The following QRICH2 variants were observed in gnomAD, a reference collection of about 807,000 sequenced individuals.
QRICH2 encodes the protein glutamine-rich protein 2.
A neutral mutation model predicts 168.3 loss-of-function variants in QRICH2; 119 were observed. The ratio of observed to expected loss-of-function variants is 0.71; its 90% CI spans 0.61 to 0.82. The LOEUF is 0.82. QRICH2 is among the 40% of genes least tolerant of loss of function. The pLI is 0.00. For missense variants in QRICH2, 2,241 were observed against 2,491.6 expected, an observed-to-expected ratio of 0.90 and a Z score of 2.14; for synonymous variants, 894 against 951.2, an observed-to-expected ratio of 0.94 and a Z score of 1.11.
chr17:76,307,467 T>C lies in QRICH2; in HGVS notation c.532A>G (p.Arg178Gly), dbSNP rs1357996360. 1 of 1,613,758 alleles carries C rather than the reference T, an allele frequency of 6.2e-7. No homozygotes were observed. The highest frequency in any genetic ancestry group is 8.5e-7 in the Non-Finnish European group (1 of 1,179,846). ...KDAAEELSFA[R>G]VLLQRVDELE... ...CGTGCCTCCGTGTGCGTGCTCACCC[T>C]GGCAAAGCTGAGCTCCTCGGCGGCG... Residue 178 changes from arginine (R) to glycine (G), a missense_variant and splice_region_variant, in exon 1 of 19, where the codon AGG becomes GGG. Around this residue, in one of 3 missense-constraint regions of QRICH2, gnomAD observed 2,047 missense variants for 2,303.8 expected, o/e 0.89. Transcript: ENST00000680821. This position sits in a 1 kb window ranked among gnomAD's most constrained non-coding sequence, Gnocchi z 5.3.
chr17:76,300,801 CAGCACTTTGGG>C (rs2070884237), intron 3 of QRICH2, among the ~76,000 whole-genome samples: 1 of 152,098 alleles, frequency 6.6e-6, no homozygotes, highest in Non-Finnish European at 1.5e-5. Context: ...CCTGTAATCC[CAGCACTTTGGG>C]AGGCCAAGGC....
rs2071025684 is a variant in QRICH2, at chr17:76,292,486, A to AACTGCACCAGGTGGGACCAAACCACGC, written c.2240_2241insGCGTGGTTTGGTCCCACCTGGTGCAGT (p.His747delinsGlnArgGlyLeuValProProGlyAlaVal). ...CACCAGGTGGGACCAAACCACGCTG[A>AACTGCACCAGGTGGGACCAAACCACGC]TGATCTGCACGAGGTTGTGCCAAAC... On this transcript the variant is annotated protein_altering_variant, in exon 4 of 19. Transcript: ENST00000680821. 1.3e-6 allele frequency: 1 copy of AACTGCACCAGGTGGGACCAAACCACGC among 760,992 alleles called. No individual in the cohort carries two copies. 47.1% of individuals were successfully genotyped at this position (760,992 alleles called of 1,614,324 possible). A position where few individuals can be genotyped will look rare whatever the true frequency, so the allele number is the denominator to read the frequency against.
intron 7 of QRICH2, among the ~76,000 whole-genome samples, chr17:76,286,875 C>CAA (rs574718247): frequency 2.5e-4 from 16 of 65,218 alleles, no homozygotes; most frequent in Non-Finnish European, 3.2e-4. Context: ...AATTCCATCT[C>CAA]AAAAAAAAAA....
At position 76,276,781 on chromosome 17, in the gene QRICH2, C is replaced by T. The variant is rs1203764376; in HGVS notation, c.5266-14G>A. The T allele has an allele frequency of 2.5e-6, 4 of 1,600,118 alleles. No individual in the cohort carries two copies. Among genetic ancestry groups the T allele is most frequent in the Non-Finnish European group, 3.4e-6 (4 of 1,171,582 alleles). The stretch of plus-strand genomic sequence containing the variant: ...CACCTCATCATGCTGTAGAAGTGAA[C>T]AGATACCGTCGCCACTGTAGCAGCC... On this transcript the variant is annotated splice_polypyrimidine_tract_variant and intron_variant, in intron 16 of 18. Coordinates refer to ENST00000680821, the MANE Select transcript of QRICH2 (RefSeq NM_001388453.1).
chr17:76,299,913 C>T (rs911400510), intron 3 of QRICH2, among the ~76,000 whole-genome samples: 24 of 151,632 alleles, frequency 1.6e-4, no homozygotes, highest in Non-Finnish European at 3.2e-4. Context: ...CTGCAACCTC[C>T]GCCTTCCGGT....
Position 76,291,719 on chromosome 17 carries a change from G to C in QRICH2, c.3008C>G (p.Ser1003Ter), listed in dbSNP as rs769072886. The change falls in exon 4 of 19, where the codon TCA becomes TGA. Residue 1003 changes from serine to a stop codon, truncating the protein, a stop_gained. Transcript: ENST00000680821. LOFTEE classifies it high-confidence loss of function. ...CATACCATGTTGATATGGACGTACT[G>C]ATATAAAACCTGTAGAATCTGCCTG... ...TFQADSTGFI[S>*]VRPYQHGMVP... 2 of 1,614,168 alleles carry C rather than the reference G, an allele frequency of 1.2e-6. No individual in the cohort carries two copies. Among genetic ancestry groups the C allele is most frequent in the Non-Finnish European group, 1.7e-6 (2 of 1,180,026 alleles).
intron 3 of QRICH2, among the ~76,000 whole-genome samples, chr17:76,300,775 G>A (rs1247755701): frequency 1.3e-5 from 2 of 151,826 alleles, no homozygotes; most frequent in African/African-American, 4.8e-5. Context: ...AATATGACCA[G>A]GCATGGTGGC....
At chr17:76,305,467 G>C (rs1374610228) in intron 1 of QRICH2, among the ~76,000 whole-genome samples, 1 of 152,176 alleles carries the variant, frequency 6.6e-6, no homozygotes, top group Non-Finnish European at 1.5e-5. Flanking sequence ...CTTTCTACCT[G>C]GTTTTTACCT....
In QRICH2 at chr17:76,308,137, G is replaced by C; in HGVS notation, c.-139C>G. On this transcript the variant is annotated 5_prime_UTR_variant, in exon 1 of 19. Coordinates refer to ENST00000680821, the MANE Select transcript of QRICH2 (RefSeq NM_001388453.1). ...TGCCCCGGGTCCGGCCGAGTCACTG[G>C]ACAGAGCTCCTGCCTCCAGGGAATC... 2.5e-6 allele frequency: 3 copies of C among 1,219,102 alleles called. No homozygotes were observed. The highest frequency in any genetic ancestry group is 3.1e-6 in the Non-Finnish European group (3 of 980,702). The allele number at this position is 1,219,102 out of a possible 1,614,324, so 75.5% of individuals were successfully genotyped here. A position where few individuals can be genotyped will look rare whatever the true frequency, so the allele number is the denominator to read the frequency against.
intron 5 of QRICH2, among the ~76,000 whole-genome samples, chr17:76,288,740 C>A (rs1257670531): frequency 1.3e-5 from 2 of 152,036 alleles, no homozygotes; most frequent in East Asian, 3.9e-4. Flanking sequence ...CTGAAGGGAT[C>A]TGGCCGTCCC....
chr17:76,280,602 G>C lies in QRICH2; in HGVS notation c.4461+52C>G. ...CCTCCACTCAGTCTCTCAAAGAACA[G>C]TCAGCGAGACCGCCCTGGGACACAG... On this transcript the variant is annotated intron_variant, in intron 10 of 18. Transcript: ENST00000680821. This position sits in a 1 kb window ranked among gnomAD's most constrained non-coding sequence, Gnocchi z 7.4. 2 of 1,608,118 alleles carry C rather than the reference G, an allele frequency of 1.2e-6. No individual in the cohort carries two copies. Among genetic ancestry groups the C allele is most frequent in the Non-Finnish European group, 1.7e-6 (2 of 1,174,736 alleles).
chr17:76,308,351 GGAA>G (rs2071023446), upstream of QRICH2: 3 of 985,448 alleles, frequency 3.0e-6, no homozygotes, highest in Non-Finnish European at 3.6e-6. Flanking sequence ...GGGGGCGGGG[GGAA>G]GTAAAGGCCA....
chr17:76,277,283 G>A lies in QRICH2; in HGVS notation c.5145C>T (p.Tyr1715=). ...CCCCGCAGCGCCGGGGCACAGTTGA[G>A]TAGGTGTAATCAGCCATATCTGTCA... The part of the protein sequence containing the change: ...KRVTDMADYT[Y]STVPRRCGGS... Residue 1715 remains tyrosine (Y), a synonymous_variant, in exon 16 of 19, where the codon TAC becomes TAT. Coordinates refer to ENST00000680821, the MANE Select transcript of QRICH2 (RefSeq NM_001388453.1). 2 of 1,608,386 alleles carry A rather than the reference G, an allele frequency of 1.2e-6. No individual in the cohort carries two copies. Among genetic ancestry groups the A allele is most frequent in the South Asian group, 1.1e-5 (1 of 90,302 alleles).
At chr17:76,274,342 A>C in intron 18 of QRICH2, 82 bp from the exon 19 acceptor site, 1 of 1,426,190 alleles carries the variant, frequency 7.0e-7, no homozygotes, top group South Asian at 1.3e-5. Context: ...ATGCCCAGGG[A>C]GGTTGAGAGC....
intron 3 of QRICH2, among the ~76,000 whole-genome samples, chr17:76,296,748 G>A (rs112714432): frequency 0.012 from 1,816 of 148,214 alleles, 41 homozygotes; most frequent in African/African-American, 0.043. Flanking sequence ...ACTGCACTCC[G>A]GCCTGGGCAA....
chr17:76,292,581 C>T lies in QRICH2; in HGVS notation c.2146G>A (p.Asp716Asn), dbSNP rs1447748346. The stretch of plus-strand genomic sequence containing the variant: ...CCAGGTTGAGCCAAATCACTCTGAT[C>T]TGCACCAGATTGTACCAAACCATGC... ...DQHGLVQSGADQSDLAQPGAV... is the reference protein window; with the variant it reads ...DQHGLVQSGANQSDLAQPGAV... The change falls in exon 4 of 19, where the codon GAT becomes AAT. Residue 716 changes from aspartate (D) to asparagine (N), a missense_variant. Coordinates refer to ENST00000680821, the MANE Select transcript of QRICH2 (RefSeq NM_001388453.1). 3 of 1,613,986 alleles carry T rather than the reference C, an allele frequency of 1.9e-6. No individual in the cohort carries two copies. The highest frequency in any genetic ancestry group is 2.5e-6 in the Non-Finnish European group (3 of 1,179,988).
In QRICH2 at chr17:76,293,315, T is replaced by C; in HGVS notation, c.1412A>G (p.Tyr471Cys). 8.1e-6 allele frequency: 13 copies of C among 1,614,158 alleles called. No homozygotes were observed. The highest frequency in any genetic ancestry group is 1.7e-4 in the Middle Eastern group (1 of 6,060). Residue 471 changes from tyrosine (Y) to cysteine (C), a missense_variant, in exon 4 of 19, where the codon TAT becomes TGT. Around this residue, in one of 3 missense-constraint regions of QRICH2, gnomAD observed 2,047 missense variants for 2,303.8 expected, o/e 0.89. Coordinates refer to ENST00000680821, the MANE Select transcript of QRICH2 (RefSeq NM_001388453.1). Reference sequence around the variant, plus strand: ...GCCAGGAAATGTCATACCATGCTGATATGCACTGACTGAAACCAGACCATG... The same window carrying C: ...GCCAGGAAATGTCATACCATGCTGACATGCACTGACTGAAACCAGACCATG... ...DQHGLVSVSAYQHGMTFPGTD... is the reference protein window; with the variant it reads ...DQHGLVSVSACQHGMTFPGTD...
In QRICH2 at chr17:76,308,025, C is replaced by T; in HGVS notation, c.-27G>A. On this transcript the variant is annotated 5_prime_UTR_variant, in exon 1 of 19. Coordinates refer to ENST00000680821, the MANE Select transcript of QRICH2 (RefSeq NM_001388453.1). ...GTGGCTGTCAGGAGCTGTGCGCCGC[C>T]GCGGGGCGCCGGCCAACCACTTCCC... 6 of 1,231,702 alleles carry T rather than the reference C, an allele frequency of 4.9e-6. No individual in the cohort carries two copies. Among genetic ancestry groups the T allele is most frequent in the Non-Finnish European group, 5.1e-6 (5 of 987,650 alleles). 76.3% of individuals were successfully genotyped at this position (1,231,702 alleles called of 1,614,324 possible). A position where few individuals can be genotyped will look rare whatever the true frequency, so the allele number is the denominator to read the frequency against.
chr17:76,278,217 G>T, intron 14 of QRICH2, 28 bp from the exon 15 acceptor site: 1 of 1,596,342 alleles, frequency 6.3e-7, no homozygotes. Flanking sequence ...AACAGAGGGA[G>T]GGTTGGCCCA....
Sources: gnomAD v4.1 joint callset for allele counts (sites outside exome capture counted in the v4.1 genomes callset) on GRCh38, gnomAD v4.1.1 for gene constraint, gnomAD v4.1.1 regional missense constraint, Gnocchi (gnomAD v3.1) non-coding constraint, MANE v1.5 for transcripts, NCBI Gene and HGNC (gene_info 2026-07-23, HGNC 2026-07-21) for gene names.